The following PSMB1 variants were observed in gnomAD, a reference collection of about 807,000 sequenced individuals.
PSMB1 encodes the protein proteasome subunit beta type-1.
A neutral mutation model predicts 25.4 loss-of-function variants in PSMB1; 7 were observed. The observed-to-expected ratio is 0.28, with a 90% CI of 0.16 to 0.52. PSMB1 has a LOEUF of 0.52. PSMB1 is among the 20% of genes least tolerant of loss of function. The pLI, the probability that PSMB1 is intolerant of heterozygous loss-of-function variation, is 0.97. For missense variants in PSMB1, 284 were observed against 302.2 expected (o/e 0.94, Z 0.45); for synonymous variants, 119 against 115.0 (o/e 1.03, Z -0.22).
intron 4 of PSMB1, among the ~76,000 whole-genome samples, chr6:170,538,307 T>C (rs948821553): frequency 2.0e-5 from 3 of 152,218 alleles, no homozygotes; most frequent in Admixed American, 1.3e-4. Context: ...ACACATTATA[T>C]ACCAGAACTC....
At chr6:170,550,852 G>C (rs910801299) in intron 1 of PSMB1, among the ~76,000 whole-genome samples, 6 of 147,532 alleles carry the variant, frequency 4.1e-5, no homozygotes, top group South Asian at 2.2e-4. Context: ...TTAAAGGAGA[G>C]GAGGCCGGGC....
Position 170,541,877 on chromosome 6 carries a change from C to T in PSMB1, c.433+1724G>A, listed in dbSNP as rs576612904. Among the ~76,000 whole-genome samples, 452 of 152,246 alleles carry T rather than the reference C, an allele frequency of 3.0e-3. 1 individual carries two copies. Among genetic ancestry groups the T allele is most frequent in the South Asian group, 4.6e-3 (22 of 4,828 alleles). ...TTCCCAGATTAGACTCTCTAACTCT[C>T]GGAAAAACTCAAAGGATGCTGTCTG... On this transcript the variant is annotated intron_variant, in intron 4 of 5. Coordinates refer to ENST00000262193, the MANE Select transcript of PSMB1 (RefSeq NM_002793.4).
chr6:170,552,247 G>A (rs1334338924), intron 1 of PSMB1, among the ~76,000 whole-genome samples: 2 of 152,082 alleles, frequency 1.3e-5, no homozygotes, highest in African/African-American at 4.8e-5. Flanking sequence ...CCATCGGTTC[G>A]TTCAAATTGC....
chr6:170,543,783 C>A, intron 3 of PSMB1, 53 bp from the exon 4 acceptor site: 12 of 1,504,108 alleles, frequency 8.0e-6, no homozygotes, highest in Non-Finnish European at 1.1e-5. Flanking sequence ...CCATTATAGA[C>A]TAGAACAATC....
intron 2 of PSMB1, among the ~76,000 whole-genome samples, chr6:170,547,840 G>C (rs994028983): frequency 8.7e-5 from 12 of 138,586 alleles, no homozygotes; most frequent in Non-Finnish European, 1.7e-4. Flanking sequence ...CGTTAATGCT[G>C]CATTGTTCTT....
intron 3 of PSMB1, among the ~76,000 whole-genome samples, chr6:170,544,528 T>G (rs780766358): frequency 2.6e-5 from 4 of 152,208 alleles, no homozygotes; most frequent in Non-Finnish European, 5.9e-5. Flanking sequence ...CACCAATTTT[T>G]GTTAACCACA....
chr6:170,546,540 A>G (rs969567452), intron 2 of PSMB1, among the ~76,000 whole-genome samples: 3 of 152,194 alleles, frequency 2.0e-5, no homozygotes, highest in African/African-American at 7.2e-5. Flanking sequence ...ATCTTGGCTC[A>G]CTGCAACTTC....
intron 1 of PSMB1, among the ~76,000 whole-genome samples, chr6:170,551,458 TAA>T (rs1204498331): frequency 1.3e-5 from 2 of 152,074 alleles, no homozygotes; most frequent in Non-Finnish European, 2.9e-5. Flanking sequence ...CCAGCTGCAG[TAA>T]ACACTAAAGA....
At chr6:170,537,395 A>G (rs1271606713) in intron 4 of PSMB1, 55 bp from the exon 5 acceptor site, 2 of 1,395,504 alleles carry the variant, frequency 1.4e-6, no homozygotes, top group Non-Finnish European at 2.0e-6. Context: ...ATCCCAAATC[A>G]TCGCAAAAAT....
At chr6:170,538,427 G>A (rs1182360610) in intron 4 of PSMB1, among the ~76,000 whole-genome samples, 5 of 152,164 alleles carry the variant, frequency 3.3e-5, no homozygotes, top group East Asian at 1.9e-4. Flanking sequence ...TTGGCCAGGC[G>A]CGGTGGCTCA....
At position 170,543,781 on chromosome 6, in the gene PSMB1, G is replaced by A. The variant is rs751320641; in HGVS notation, c.304-51C>T. On this transcript the variant is annotated intron_variant, in intron 3 of 5. Transcript: ENST00000262193. ...GCATGTAGAGGCAGAGGCCATTATA[G>A]ACTAGAACAATCAACAGTATAAAGT... 6 of 1,514,494 alleles carry A rather than the reference G, an allele frequency of 4.0e-6. No homozygotes were observed. The Admixed American group carries it at 7.9e-5, about 20-fold the overall frequency. 93.8% of individuals were successfully genotyped at this position (1,514,494 alleles called of 1,614,324 possible).
intron 1 of PSMB1, chr6:170,550,002 G>C (rs906862378): frequency 6.6e-6 from 1 of 152,144 alleles, no homozygotes; most frequent in African/African-American, 2.4e-5. Context: ...TCCTCCAAAT[G>C]CAAGTTGATG....
At chr6:170,548,503 T>C (rs1191071092) in intron 2 of PSMB1, among the ~76,000 whole-genome samples, 11 of 144,900 alleles carry the variant, frequency 7.6e-5, no homozygotes, top group African/African-American at 2.8e-4. Flanking sequence ...ATGTTTCAGG[T>C]AAAAAAAAAA....
At chr6:170,537,420 C>T (rs1778708006) in intron 4 of PSMB1, 80 bp from the exon 5 acceptor site, 3 of 1,161,472 alleles carry the variant, frequency 2.6e-6, no homozygotes, top group Non-Finnish European at 3.8e-6. Flanking sequence ...CAGGTCAAAA[C>T]GTGACACAAA....
chr6:170,547,873 G>A lies in PSMB1; in HGVS notation c.221+1133C>T, dbSNP rs543223475. Among the ~76,000 whole-genome samples the A allele has an allele frequency of 3.4e-3, 342 of 100,314 alleles. 3 individuals carry two copies. The highest frequency in any genetic ancestry group is 0.012 in the African/African-American group (322 of 25,834). The allele number at this position is 100,314 out of a possible 152,430, so 65.8% of individuals were successfully genotyped here. On this transcript the variant is annotated intron_variant, in intron 2 of 5. Transcript: ENST00000262193. ...CTTATTCTCTATCTCTATATCTGACGTGTTTCACAAAAAAAAAAAAAAAAA... is the reference window on the plus strand; with the variant it reads ...CTTATTCTCTATCTCTATATCTGACATGTTTCACAAAAAAAAAAAAAAAAA...
intron 1 of PSMB1, among the ~76,000 whole-genome samples, chr6:170,552,424 A>C (rs1778917161): frequency 6.6e-6 from 1 of 152,244 alleles, no homozygotes; most frequent in African/African-American, 2.4e-5. Flanking sequence ...GGTAATTAAA[A>C]TAAAAACCAA....
chr6:170,536,800 C>A (rs1778699729), intron 5 of PSMB1, among the ~76,000 whole-genome samples: 1 of 152,102 alleles, frequency 6.6e-6, no homozygotes, highest in South Asian at 2.1e-4. Flanking sequence ...TGTGGATTTT[C>A]CAGTGCTCGG....
At chr6:170,549,904 C>G (rs1778869860) in intron 1 of PSMB1, 2 of 152,202 alleles carry the variant, frequency 1.3e-5, no homozygotes, top group South Asian at 4.1e-4. Flanking sequence ...TGCTATGGCA[C>G]TGGAGTATGA....
chr6:170,539,760 G>A (rs371842228), intron 4 of PSMB1, among the ~76,000 whole-genome samples: 58 of 152,164 alleles, frequency 3.8e-4, no homozygotes, highest in African/African-American at 1.3e-3. Context: ...GCATAATTGG[G>A]GAAGTACACA....
Sources: gnomAD v4.1 joint callset for allele counts (sites outside exome capture counted in the v4.1 genomes callset) on GRCh38, gnomAD v4.1.1 for gene constraint, MANE v1.5 for transcripts, NCBI Gene and HGNC (gene_info 2026-07-23, HGNC 2026-07-21) for gene names.